The following TRMT44 variants were observed in gnomAD, a reference collection of about 807,000 sequenced individuals.
TRMT44 encodes the protein tRNA methyltransferase 44 homolog.
In TRMT44, 78 loss-of-function variants were observed where a neutral mutation model predicts 77.3. The observed-to-expected ratio is 1.01, with a 90% CI of 0.84 to 1.22. The LOEUF is 1.22. Among genes scored for constraint, TRMT44 ranks in the 50% most tolerant of loss-of-function variants. The pLI is 0.00. For synonymous variants in TRMT44, 391 were observed against 383.3 expected (o/e 1.02, Z -0.23); for missense variants, 1,090 against 964.4 (o/e 1.13, Z -1.73).
chr4:8,505,114 G>A, the TRMT44 span, among the ~76,000 whole-genome samples: 1 of 152,206 alleles, frequency 6.6e-6, no homozygotes, highest in African/African-American at 2.4e-5. Flanking sequence ...GCTACACTGA[G>A]GGCCCTGGCA....
In TRMT44 at chr4:8,441,387, A is replaced by C. The variant is rs924299813; in HGVS notation, c.565A>C (p.Lys189Gln). ...LDVVLRTVIP[K>Q]TSPHCPLTTP... ...CGTGGTTCTCAGAACCGTCATCCCG[A>C]AAACTAGCCCACATTGCCCCCTTAC... The change falls in exon 1 of 11, where the codon AAA becomes CAA. Residue 189 changes from lysine to glutamine, a missense_variant. Transcript: ENST00000389737. 27 of 1,531,758 alleles carry C rather than the reference A, an allele frequency of 1.8e-5. No individual in the cohort carries two copies. The highest frequency in any genetic ancestry group is 2.4e-5 in the Non-Finnish European group (27 of 1,143,628). 94.9% of individuals were successfully genotyped at this position (1,531,758 alleles called of 1,614,324 possible). A position where few individuals can be genotyped will look rare whatever the true frequency, so the allele number is the denominator to read the frequency against.
rs559418787 is a variant in TRMT44 at position 8,476,339 on chromosome 4, C to T, written c.*338C>T. On this transcript the variant is annotated 3_prime_UTR_variant, in exon 11 of 11. Coordinates refer to ENST00000389737, the MANE Select transcript of TRMT44 (RefSeq NM_152544.3). ...TGCCTTGCACAGGCCCTTCCCAGGG[C>T]GCTGTCCGACGCCTGCCCCACCATG... is the stretch of plus-strand genomic sequence containing the variant. 175 of 324,206 alleles carry T rather than the reference C, an allele frequency of 5.4e-4. No homozygotes were observed. The South Asian group carries it at 5.7e-3, about 11-fold the overall frequency. The allele number at this position is 324,206 out of a possible 1,614,324, so 20.1% of individuals were successfully genotyped here.
At chr4:8,492,764 T>A (rs1312695836) in intron 2 of TRMT44, among the ~76,000 whole-genome samples, 13 of 152,192 alleles carry the variant, frequency 8.5e-5, no homozygotes, top group Admixed American at 8.5e-4. Flanking sequence ...GAAAGGCCAA[T>A]CAGAAACTCA....
chr4:8,463,839 T>G, intron 6 of TRMT44, 146 bp from the exon 7 acceptor site: 1 of 650,756 alleles, frequency 1.5e-6, no homozygotes, highest in South Asian at 1.9e-5. Context: ...ACTTCCCCGC[T>G]CTTCCCCGCT....
Position 8,452,493 on chromosome 4 carries a change from G to A in TRMT44, c.1024-389G>A, listed in dbSNP as rs368834218. On this transcript the variant is annotated intron_variant, in intron 4 of 10. Coordinates refer to ENST00000389737, the MANE Select transcript of TRMT44 (RefSeq NM_152544.3). This position sits in a 1 kb window ranked among gnomAD's most constrained non-coding sequence, Gnocchi z 5.7. ...TCAAGCCTGTAATTCCCAGCACTTCGGGAGGCCGAGGCGGGCAGATCACTT... is the reference window on the plus strand; with the variant it reads ...TCAAGCCTGTAATTCCCAGCACTTCAGGAGGCCGAGGCGGGCAGATCACTT... Among the ~76,000 whole-genome samples, 6 of 152,192 alleles carry A rather than the reference G, an allele frequency of 3.9e-5. No individual in the cohort carries two copies. The highest frequency in any genetic ancestry group is 1.9e-4 in the East Asian group (1 of 5,202).
At chr4:8,468,389 G>A (rs1726753023) in intron 9 of TRMT44, 43 bp downstream of exon 9, 1 of 1,581,098 alleles carries the variant, frequency 6.3e-7, no homozygotes, top group Non-Finnish European at 8.7e-7. Context: ...CACGCTCCCA[G>A]GCTTGAGGGC....
chr4:8,445,062 T>C (rs1262299693), intron 1 of TRMT44, among the ~76,000 whole-genome samples: 1 of 152,166 alleles, frequency 6.6e-6, no homozygotes, highest in Non-Finnish European at 1.5e-5. Context: ...TAAGGAGTTA[T>C]CCAGCCACAC....
At chr4:8,511,934 C>G in the TRMT44 span, 1 of 152,216 alleles carries the variant, frequency 6.6e-6, no homozygotes, top group Admixed American at 6.5e-5. Flanking sequence ...GTCGGCCAGC[C>G]TTTCTGGACC....
At chr4:8,511,382 C>T in the TRMT44 span, among the ~76,000 whole-genome samples, 1 of 152,092 alleles carries the variant, frequency 6.6e-6, no homozygotes, top group Non-Finnish European at 1.5e-5. Context: ...AGAATAATGT[C>T]CCCCCTCCCC....
intron 1 of TRMT44, among the ~76,000 whole-genome samples, chr4:8,443,876 C>A (rs1029421502): frequency 3.3e-5 from 5 of 151,694 alleles, no homozygotes; most frequent in African/African-American, 1.2e-4. Flanking sequence ...AGAAGAATGA[C>A]GTGAACCCGG....
intron 2 of TRMT44, among the ~76,000 whole-genome samples, chr4:8,485,181 T>A (rs1727764636): frequency 6.6e-6 from 1 of 152,192 alleles, no homozygotes; most frequent in African/African-American, 2.4e-5. Flanking sequence ...CTGGGACTGA[T>A]GGGTGTCAGG....
chr4:8,447,384 A>G (rs1424146172), intron 2 of TRMT44, among the ~76,000 whole-genome samples: 1 of 152,236 alleles, frequency 6.6e-6, no homozygotes, highest in African/African-American at 2.4e-5. Flanking sequence ...GAATTCATTC[A>G]TGACTTGTCA....
At chr4:8,455,210 C>G (rs6843048) in intron 6 of TRMT44, among the ~76,000 whole-genome samples, 2 of 152,180 alleles carry the variant, frequency 1.3e-5, no homozygotes, top group Non-Finnish European at 2.9e-5. Flanking sequence ...GCCAGGACTG[C>G]GCCAGGGATG....
chr4:8,483,868 TTAGAC>T (rs1202699013), intron 2 of TRMT44, among the ~76,000 whole-genome samples: 2 of 152,160 alleles, frequency 1.3e-5, no homozygotes, highest in African/African-American at 4.8e-5. Context: ...AAGTGTCTAT[TTAGAC>T]TAAGAGGTAT....
the TRMT44 span, chr4:8,512,553 G>A: frequency 6.6e-6 from 1 of 152,220 alleles, no homozygotes; most frequent in African/African-American, 2.4e-5. Flanking sequence ...AGCGTTGTGT[G>A]TGTGCGTACA....
At chr4:8,511,128 C>T in the TRMT44 span, 5 of 152,368 alleles carry the variant, frequency 3.3e-5, no homozygotes, top group African/African-American at 9.6e-5. Context: ...CCCAGGCAGC[C>T]TCGTGGCAGC....
intron 2 of TRMT44, among the ~76,000 whole-genome samples, chr4:8,448,483 A>T (rs543333934): frequency 1.3e-5 from 2 of 152,290 alleles, no homozygotes; most frequent in South Asian, 2.1e-4. Flanking sequence ...AGAGAGGCGG[A>T]TGAAGGAGGA....
At chr4:8,491,575 T>C (rs1728005980) in intron 2 of TRMT44, among the ~76,000 whole-genome samples, 1 of 152,220 alleles carries the variant, frequency 6.6e-6, no homozygotes, top group Admixed American at 6.5e-5. Context: ...AGCTAAGGCC[T>C]GGCGAGAAAT....
At chr4:8,472,390 G>A (rs1727066890) in intron 10 of TRMT44, among the ~76,000 whole-genome samples, 1 of 152,234 alleles carries the variant, frequency 6.6e-6, no homozygotes, top group African/African-American at 2.4e-5. Flanking sequence ...TGATGGGTAG[G>A]GATGACACCG....
Sources: gnomAD v4.1 joint callset for allele counts (sites outside exome capture counted in the v4.1 genomes callset) on GRCh38, gnomAD v4.1.1 for gene constraint, Gnocchi (gnomAD v3.1) non-coding constraint, MANE v1.5 for transcripts, NCBI Gene and HGNC (gene_info 2026-07-23, HGNC 2026-07-21) for gene names.